The following CSMD1 variants were observed in gnomAD, a reference collection of about 807,000 sequenced individuals.
CSMD1 encodes the protein CUB and sushi domain-containing protein 1.
A neutral mutation model predicts 417.5 loss-of-function variants in CSMD1; 213 were observed. The ratio of observed to expected loss-of-function variants is 0.51; its 90% CI spans 0.46 to 0.57. The LOEUF is 0.57. CSMD1 is among the 20% of genes least tolerant of loss of function. The pLI, the probability that CSMD1 is intolerant of heterozygous loss-of-function variation, is 0.00. For missense variants in CSMD1, 6,923 were observed against 4,529.7 expected, an observed-to-expected ratio of 1.53 and a Z score of -15.17; for synonymous variants, 2,862 against 1,736.8, an observed-to-expected ratio of 1.65 and a Z score of -16.11.
At chr8:3,963,336 T>C (rs906826449) in intron 5 of CSMD1, among the ~76,000 whole-genome samples, 1 of 152,204 alleles carries the variant, frequency 6.6e-6, no homozygotes, top group Non-Finnish European at 1.5e-5. Flanking sequence ...CAATTAAATA[T>C]GTTGGAAAGA....
chr8:3,144,389 T>TA (rs113098797), intron 40 of CSMD1, among the ~76,000 whole-genome samples: 3 of 151,830 alleles, frequency 2.0e-5, no homozygotes, highest in African/African-American at 4.8e-5. Flanking sequence ...GAGGATGAAT[T>TA]AAAAAAAATA....
chr8:3,602,364 A>G (rs1017021493), intron 8 of CSMD1, among the ~76,000 whole-genome samples: 3 of 152,160 alleles, frequency 2.0e-5, no homozygotes, highest in Non-Finnish European at 4.4e-5. Context: ...GTGGAGGCAT[A>G]GAGGAAAGCA....
intron 1 of CSMD1, among the ~76,000 whole-genome samples, chr8:4,948,415 C>A (rs1242795688): frequency 1.3e-5 from 2 of 151,596 alleles, no homozygotes; most frequent in Non-Finnish European, 2.9e-5. Context: ...ATTCATTGGG[C>A]ATATCTATCT....
chr8:3,562,513 C>A (rs566950481), intron 10 of CSMD1, among the ~76,000 whole-genome samples: 8 of 152,066 alleles, frequency 5.3e-5, no homozygotes, highest in Admixed American at 3.3e-4. Context: ...CCACAGCAAT[C>A]CAAAATTTAT....
intron 5 of CSMD1, among the ~76,000 whole-genome samples, chr8:3,856,617 A>T (rs553066898): frequency 9.9e-5 from 15 of 152,164 alleles, no homozygotes; most frequent in African/African-American, 3.6e-4. Context: ...GTCCTTTTCT[A>T]TGGTGCCCCT....
intron 3 of CSMD1, among the ~76,000 whole-genome samples, chr8:4,139,828 T>C (rs1362751170): frequency 6.6e-6 from 1 of 150,926 alleles, no homozygotes; most frequent in South Asian, 2.1e-4. Context: ...ACAGAGGGCC[T>C]TGGAGCAGAA....
chr8:4,305,236 T>G (rs1245273784), intron 3 of CSMD1, among the ~76,000 whole-genome samples: 2 of 152,176 alleles, frequency 1.3e-5, no homozygotes, highest in Non-Finnish European at 2.9e-5. Flanking sequence ...CCAGCAAACT[T>G]TGAGGCTTAG....
intron 5 of CSMD1, among the ~76,000 whole-genome samples, chr8:3,773,376 G>A (rs546186392): frequency 9.2e-5 from 14 of 152,254 alleles, no homozygotes; most frequent in African/African-American, 3.1e-4. Flanking sequence ...CTCGACTACA[G>A]TGAAGGCTCA....
intron 37 of CSMD1, among the ~76,000 whole-genome samples, chr8:3,170,802 A>C (rs1056367567): frequency 1.3e-5 from 2 of 152,246 alleles, no homozygotes; most frequent in Non-Finnish European, 2.9e-5. Flanking sequence ...AGATATGGTC[A>C]CAGAATCTAC....
At chr8:4,440,840 A>G (rs35982142) in intron 2 of CSMD1, among the ~76,000 whole-genome samples, 34,271 of 151,610 alleles carry the variant, frequency 0.23, 5,078 homozygotes, top group Non-Finnish European at 0.34. Context: ...TACTGAAAAT[A>G]CAAAAACTTA....
At chr8:3,656,175 T>A (rs759945451) in intron 7 of CSMD1, among the ~76,000 whole-genome samples, 1 of 152,014 alleles carries the variant, frequency 6.6e-6, no homozygotes, top group Non-Finnish European at 1.5e-5. Flanking sequence ...ACAGCTCAAG[T>A]GAGAATGTTT....
At chr8:4,985,853 A>AT (rs1811152583) in intron 1 of CSMD1, among the ~76,000 whole-genome samples, 1 of 152,220 alleles carries the variant, frequency 6.6e-6, no homozygotes, top group Non-Finnish European at 1.5e-5. Context: ...TATGTTGTCC[A>AT]CAGGAATTCT....
chr8:4,585,958 A>G (rs1799678387), intron 2 of CSMD1, among the ~76,000 whole-genome samples: 1 of 152,246 alleles, frequency 6.6e-6, no homozygotes, highest in South Asian at 2.1e-4. Context: ...GATTTAATAT[A>G]TTAGCAAAAT....
At chr8:3,767,857 T>A (rs1031983313) in intron 5 of CSMD1, among the ~76,000 whole-genome samples, 1 of 152,164 alleles carries the variant, frequency 6.6e-6, no homozygotes, top group Non-Finnish European at 1.5e-5. Flanking sequence ...GTCAGATAAA[T>A]AAATACGTCT....
At chr8:3,757,585 C>G (rs537704032) in intron 5 of CSMD1, among the ~76,000 whole-genome samples, 1 of 152,072 alleles carries the variant, frequency 6.6e-6, no homozygotes, top group African/African-American at 2.4e-5. Context: ...AAAACAGACC[C>G]GGTGCAGTGG....
intron 7 of CSMD1, among the ~76,000 whole-genome samples, chr8:3,677,704 G>A (rs1336931067): frequency 6.6e-6 from 1 of 152,070 alleles, no homozygotes; most frequent in Non-Finnish European, 1.5e-5. Context: ...AAATTCCCCT[G>A]TTTTGTTCTG....
chr8:3,637,429 G>C (rs995574981), intron 7 of CSMD1, among the ~76,000 whole-genome samples: 16 of 152,074 alleles, frequency 1.1e-4, no homozygotes, highest in Admixed American at 3.9e-4. Flanking sequence ...TAATGTATTT[G>C]AATCTATTTT....
At chr8:4,020,841 C>A (rs912291139) in intron 4 of CSMD1, among the ~76,000 whole-genome samples, 1 of 152,212 alleles carries the variant, frequency 6.6e-6, no homozygotes, top group Non-Finnish European at 1.5e-5. Flanking sequence ...TCACTCTTAT[C>A]TTTTGCCTAA....
At chr8:4,714,497 G>A (rs1307767809) in intron 1 of CSMD1, among the ~76,000 whole-genome samples, 2 of 152,092 alleles carry the variant, frequency 1.3e-5, no homozygotes, top group African/African-American at 4.8e-5. Context: ...TAACTTTTCA[G>A]AAATACTTTA....
Sources: gnomAD v4.1 joint callset for allele counts (sites outside exome capture counted in the v4.1 genomes callset) on GRCh38, gnomAD v4.1.1 for gene constraint, MANE v1.5 for transcripts, NCBI Gene and HGNC (gene_info 2026-07-23, HGNC 2026-07-21) for gene names.